PKP4: variants seen among roughly 807,000 people sequenced by gnomAD.
The protein encoded by PKP4 is plakophilin-4.
PKP4 carries 90 observed loss-of-function variants against 145.1 expected under a neutral mutation model. That is an observed-to-expected ratio of 0.62 (90% CI 0.52 to 0.74). The LOEUF is 0.74. PKP4 is among the 30% of genes least tolerant of loss of function. The probability of loss-of-function intolerance (pLI) is 0.00; values close to 1 mark genes in which losing one functional copy is unlikely to be tolerated. For synonymous variants in PKP4, 563 were observed against 577.2 expected (o/e 0.98, Z 0.35); for missense variants, 1,340 against 1,482.7 (o/e 0.90, Z 1.58).
At chr2:158,668,091 C>T (rs1040887582) in intron 16 of PKP4, among the ~76,000 whole-genome samples, 13 of 151,972 alleles carry the variant, frequency 8.6e-5, no homozygotes, top group African/African-American at 3.1e-4. Flanking sequence ...GTCTTGGCTT[C>T]CTCTCAGTGC....
At chr2:158,549,927 A>G (rs1258126743) in intron 2 of PKP4, among the ~76,000 whole-genome samples, 1 of 152,210 alleles carries the variant, frequency 6.6e-6, no homozygotes, top group Non-Finnish European at 1.5e-5. Flanking sequence ...TAATAAATGC[A>G]TGGTTGTAGT....
chr2:158,623,335 C>T (rs770254584), intron 6 of PKP4, among the ~76,000 whole-genome samples: 1 of 152,064 alleles, frequency 6.6e-6, no homozygotes, highest in East Asian at 1.9e-4. Flanking sequence ...CCACCATGCC[C>T]AGCTAATTTT....
chr2:158,567,521 T>C (rs2047091991), intron 2 of PKP4, among the ~76,000 whole-genome samples: 1 of 152,182 alleles, frequency 6.6e-6, no homozygotes, highest in Non-Finnish European at 1.5e-5. Flanking sequence ...ATTGAGATGA[T>C]TTCAAATCTT....
At chr2:158,486,223 G>T (rs1421060896) in intron 1 of PKP4, among the ~76,000 whole-genome samples, 1 of 152,152 alleles carries the variant, frequency 6.6e-6, no homozygotes, top group East Asian at 1.9e-4. Flanking sequence ...ATGTGGATAT[G>T]ATATAAGGAG....
At chr2:158,562,777 A>G (rs1303349628) in intron 2 of PKP4, among the ~76,000 whole-genome samples, 4 of 152,214 alleles carry the variant, frequency 2.6e-5, no homozygotes, top group African/African-American at 4.8e-5. Flanking sequence ...AAAATTTACT[A>G]TGTGATACAT....
rs2052668498 is a variant in PKP4, at chr2:158,625,330, T to G, written c.1056T>G (p.Pro352=). The change falls in exon 7 of 22, where the codon CCT becomes CCG. Residue 352 remains proline, a synonymous_variant. Transcript: ENST00000389759. ...GMTAVPQHLG[P]SLQRTVHDME... is the part of the protein sequence containing the mutation. ...CCGCCGTACCACAGCATCTGGGACC[T>G]TCACTGCAAAGGACTGTTCATGACA... is the stretch of plus-strand genomic sequence containing the variant. The G allele has an allele frequency of 1.2e-6, 2 of 1,614,068 alleles. No homozygotes were observed. The highest frequency in any genetic ancestry group is 1.3e-5 in the African/African-American group (1 of 74,930).
chr2:158,677,836 A>ATCTT (rs1408482295), intron 20 of PKP4, among the ~76,000 whole-genome samples: 2 of 152,232 alleles, frequency 1.3e-5, no homozygotes, highest in Non-Finnish European at 2.9e-5. Context: ...AGCCTGCTTT[A>ATCTT]TCTTACAGAT....
intron 11 of PKP4, among the ~76,000 whole-genome samples, chr2:158,653,541 G>A (rs145152088): frequency 3.3e-5 from 5 of 152,152 alleles, no homozygotes; most frequent in African/African-American, 9.6e-5. Context: ...CCTGTGACAG[G>A]GAATAAGCAG....
intron 1 of PKP4, among the ~76,000 whole-genome samples, chr2:158,496,514 A>G (rs1013841626): frequency 3.3e-5 from 5 of 152,108 alleles, no homozygotes; most frequent in Non-Finnish European, 5.9e-5. Context: ...CATGGTCCAC[A>G]TCCATCTGTC....
intron 11 of PKP4, among the ~76,000 whole-genome samples, chr2:158,646,657 T>C: frequency 6.6e-6 from 1 of 152,204 alleles, no homozygotes; most frequent in Non-Finnish European, 1.5e-5. Context: ...AAAAAATGCT[T>C]GAACTCTTCT....
chr2:158,666,310 T>C lies in PKP4; in HGVS notation c.2578-103T>C, dbSNP rs915628869. ...GATCTTCAATTGGAAAGAAACCATT[T>C]AATCTATTAGTTCATCTTTTGGAAA... On this transcript the variant is annotated intron_variant, in intron 15 of 21. Coordinates refer to ENST00000389759, the MANE Select transcript of PKP4 (RefSeq NM_003628.6). The C allele has an allele frequency of 7.7e-6, 8 of 1,033,884 alleles. No individual in the cohort carries two copies. In the East Asian group the frequency reaches 1.1e-4, roughly 15 times the overall value. The allele number at this position is 1,033,884 out of a possible 1,614,324, so 64.0% of individuals were successfully genotyped here.
At chr2:158,603,839 A>T (rs2050428890) in intron 4 of PKP4, among the ~76,000 whole-genome samples, 1 of 152,192 alleles carries the variant, frequency 6.6e-6, no homozygotes, top group African/African-American at 2.4e-5. Flanking sequence ...ATTGATGTGT[A>T]AATACTTTGG....
intron 2 of PKP4, among the ~76,000 whole-genome samples, chr2:158,561,273 A>G (rs1458460328): frequency 2.6e-5 from 4 of 152,212 alleles, no homozygotes; most frequent in East Asian, 1.9e-4. Context: ...TTTACTGTGT[A>G]TCTGGCCTTT....
chr2:158,579,604 A>G (rs2048154788), intron 3 of PKP4, among the ~76,000 whole-genome samples: 1 of 152,194 alleles, frequency 6.6e-6, no homozygotes, highest in African/African-American at 2.4e-5. Flanking sequence ...AAGCATGCTC[A>G]TTGCAGCACC....
At chr2:158,485,764 A>G (rs892029224) in intron 1 of PKP4, among the ~76,000 whole-genome samples, 4 of 152,134 alleles carry the variant, frequency 2.6e-5, no homozygotes, top group African/African-American at 9.7e-5. Flanking sequence ...AAAAAGTGTA[A>G]CTTCATAATG....
chr2:158,484,375 C>T (rs1478458548), intron 1 of PKP4, among the ~76,000 whole-genome samples: 21 of 152,170 alleles, frequency 1.4e-4, no homozygotes, highest in Admixed American at 1.3e-3. Context: ...CTCTTGAATC[C>T]GTGCTAACTC....
At chr2:158,673,397 C>T (rs1002279410) in intron 17 of PKP4, among the ~76,000 whole-genome samples, 3 of 152,234 alleles carry the variant, frequency 2.0e-5, no homozygotes, top group Non-Finnish European at 2.9e-5. Flanking sequence ...TTGGGACTGA[C>T]ACCTACAGAG....
intron 1 of PKP4, among the ~76,000 whole-genome samples, chr2:158,489,498 G>A (rs796119696): frequency 2.8e-4 from 43 of 152,258 alleles, no homozygotes; most frequent in African/African-American, 9.4e-4. Context: ...ATCATCTTCT[G>A]TACCTAAAAT....
intron 1 of PKP4, among the ~76,000 whole-genome samples, chr2:158,488,646 T>C (rs1694514818): frequency 6.6e-6 from 1 of 152,196 alleles, no homozygotes; most frequent in African/African-American, 2.4e-5. Flanking sequence ...CCTCCTGGAA[T>C]CCATGCCTTA....
Sources: allele counts gnomAD v4.1 joint callset (sites outside exome capture counted in the v4.1 genomes callset), GRCh38; gene constraint gnomAD v4.1.1; transcripts MANE v1.5; gene names NCBI Gene and HGNC (gene_info 2026-07-23, HGNC 2026-07-21).